Variants in MCUB observed in about 807,000 individuals in gnomAD.
The protein encoded by MCUB is calcium uniporter regulatory subunit MCUb, mitochondrial.
A neutral mutation model predicts 41.4 loss-of-function variants in MCUB; 46 were observed. The ratio of observed to expected loss-of-function variants is 1.11; its 90% CI spans 0.88 to 1.42. MCUB has a LOEUF of 1.42. MCUB is among the 40% of genes most tolerant of loss of function. MCUB has a pLI of 0.00. For missense variants in MCUB, 403 were observed against 404.9 expected (o/e 1.00, Z 0.04); for synonymous variants, 148 against 148.2 (o/e 1.00, Z 0.01).
At chr4:109,664,222 A>G (rs749775850) in intron 3 of MCUB, 68 bp from the exon 4 acceptor site, 58 of 792,678 alleles carry the variant, frequency 7.3e-5, no homozygotes, top group Admixed American at 2.1e-4. Context: ...GTAATTTTCT[A>G]TGTGTTGGAA....
chr4:109,642,558 C>G (rs193211095), intron 1 of MCUB, among the ~76,000 whole-genome samples: 14 of 152,298 alleles, frequency 9.2e-5, no homozygotes, highest in African/African-American at 3.1e-4. Flanking sequence ...AGTCATTAGG[C>G]AAATTATGCT....
chr4:109,626,588 G>A (rs901046969), intron 1 of MCUB, among the ~76,000 whole-genome samples: 6 of 152,076 alleles, frequency 3.9e-5, no homozygotes, highest in East Asian at 1.9e-4. Flanking sequence ...CGAGGCAGGC[G>A]GATCACCTGA....
At chr4:109,591,680 C>T (rs1450364752) in intron 1 of MCUB, among the ~76,000 whole-genome samples, 4 of 152,068 alleles carry the variant, frequency 2.6e-5, no homozygotes, top group Non-Finnish European at 4.4e-5. Context: ...GTTTCTCCAT[C>T]GTATTTTAAG....
intron 1 of MCUB, among the ~76,000 whole-genome samples, chr4:109,654,240 A>T (rs1388012556): frequency 6.6e-6 from 1 of 152,056 alleles, no homozygotes; most frequent in Non-Finnish European, 1.5e-5. Flanking sequence ...ATTGCTTCCA[A>T]CTGGATTCCT....
intron 1 of MCUB, among the ~76,000 whole-genome samples, chr4:109,584,985 A>G (rs916716781): frequency 6.6e-6 from 1 of 152,100 alleles, no homozygotes; most frequent in Non-Finnish European, 1.5e-5. Flanking sequence ...TCCAGAGCTG[A>G]GTTTAAGTCC....
rs1317859671 is a variant in MCUB at position 109,665,912 on chromosome 4, A to G, written c.451+1518A>G. On this transcript the variant is annotated intron_variant, in intron 4 of 7. Coordinates refer to ENST00000394650, the MANE Select transcript of MCUB (RefSeq NM_017918.5). ...AAGGGGGTACAACAGGGAAAATACT[A>G]AACAGTGAGAGAGAGGAGTGAAAAA... 2.6e-5 allele frequency among the ~76,000 whole-genome samples: 4 copies of G among 151,864 alleles called. No individual in the cohort carries two copies. The East Asian group carries it at 7.7e-4, about 29-fold the overall frequency.
At chr4:109,665,953 G>A (rs898196719) in intron 4 of MCUB, among the ~76,000 whole-genome samples, 3 of 150,504 alleles carry the variant, frequency 2.0e-5, no homozygotes, top group Non-Finnish European at 4.4e-5. Flanking sequence ...GAGAGTGGGA[G>A]GAAAAAAAGA....
chr4:109,603,775 G>A (rs1048582286), intron 1 of MCUB, among the ~76,000 whole-genome samples: 3 of 149,900 alleles, frequency 2.0e-5, no homozygotes, highest in South Asian at 2.1e-4. Flanking sequence ...GGTGGGGGGC[G>A]CCCCCGCCCG....
At chr4:109,637,216 C>G (rs188148725) in intron 1 of MCUB, among the ~76,000 whole-genome samples, 135 of 152,244 alleles carry the variant, frequency 8.9e-4, no homozygotes, top group Middle Eastern at 6.8e-3. Flanking sequence ...TGATCCCAAG[C>G]TGTGGGGAAA....
chr4:109,678,447 G>A (rs1729625248), intron 4 of MCUB, among the ~76,000 whole-genome samples: 2 of 145,334 alleles, frequency 1.4e-5, no homozygotes, highest in African/African-American at 5.1e-5. Flanking sequence ...TGGGCGGGCG[G>A]GCAGAGACGC....
chr4:109,610,557 G>A (rs947179644), intron 1 of MCUB, among the ~76,000 whole-genome samples: 1 of 152,172 alleles, frequency 6.6e-6, no homozygotes, highest in Non-Finnish European at 1.5e-5. Flanking sequence ...TAGATCTGCT[G>A]TTCCCTACTG....
chr4:109,664,264 G>GC (rs1729294118), intron 3 of MCUB, 26 bp from the exon 4 acceptor site: 7 of 1,066,588 alleles, frequency 6.6e-6, no homozygotes, highest in Non-Finnish European at 1.0e-5. Context: ...ACAAAGACAT[G>GC]CTCATGCATG....
chr4:109,634,078 C>G (rs1047885440), intron 1 of MCUB, among the ~76,000 whole-genome samples: 14 of 152,232 alleles, frequency 9.2e-5, no homozygotes, highest in Admixed American at 9.2e-4. Flanking sequence ...AGCTGAGAAT[C>G]TTGAAGAATA....
intron 4 of MCUB, among the ~76,000 whole-genome samples, chr4:109,674,351 TCACCTAAATG>T (rs1328448259): frequency 6.6e-6 from 1 of 152,212 alleles, no homozygotes. Flanking sequence ...CTTAAACATG[TCACCTAAATG>T]CACTTGATGG....
chr4:109,565,068 G>A (rs574262043), intron 1 of MCUB, among the ~76,000 whole-genome samples: 5 of 152,200 alleles, frequency 3.3e-5, no homozygotes, highest in Non-Finnish European at 7.4e-5. Context: ...ATTTGTTCAA[G>A]TATTAAAGAG....
rs538702192 is a variant in MCUB at position 109,665,957 on chromosome 4, A to G, written c.451+1563A>G. Reference sequence around the variant, plus strand: ...GAAAAAAGGGGGAGAGTGGGAGGAAAAAAAGAAAGGCAAGAGGGGAAAGAA... The same window carrying G: ...GAAAAAAGGGGGAGAGTGGGAGGAAGAAAAGAAAGGCAAGAGGGGAAAGAA... On this transcript the variant is annotated intron_variant, in intron 4 of 7. Transcript: ENST00000394650. Among the ~76,000 whole-genome samples, 20 of 152,120 alleles carry G rather than the reference A, an allele frequency of 1.3e-4. No homozygotes were observed. In the South Asian group the frequency reaches 4.2e-3, roughly 32 times the overall value.
intron 1 of MCUB, among the ~76,000 whole-genome samples, chr4:109,577,296 C>T (rs1240156983): frequency 1.3e-5 from 2 of 152,116 alleles, no homozygotes; most frequent in Non-Finnish European, 2.9e-5. Context: ...CCAAGTAAAT[C>T]CTGTGCAGTT....
chr4:109,648,757 G>A (rs1419963861), intron 1 of MCUB: 2 of 337,022 alleles, frequency 5.9e-6, no homozygotes, highest in Admixed American at 4.8e-5. Flanking sequence ...AAAGCTTGAC[G>A]CTCAGTGTGA....
In MCUB at chr4:109,655,707, A is replaced by G. The variant is rs555186291; in HGVS notation, c.100-3304A>G. 5.5e-4 allele frequency among the ~76,000 whole-genome samples: 83 copies of G among 152,260 alleles called. No individual in the cohort carries two copies. The Middle Eastern group carries it at 0.01, about 19-fold the overall frequency. ...AAAATTTGGAATTCGGAATGATTCT[A>G]CGCAGAAATCTAGCATGTTGCCACG... On this transcript the variant is annotated intron_variant, in intron 1 of 7. Transcript: ENST00000394650.
Sources: gnomAD v4.1 joint callset for allele counts (sites outside exome capture counted in the v4.1 genomes callset) on GRCh38, gnomAD v4.1.1 for gene constraint, MANE v1.5 for transcripts, NCBI Gene and HGNC (gene_info 2026-07-23, HGNC 2026-07-21) for gene names.